The following NOVA1 variants were observed in gnomAD, a reference collection of about 807,000 sequenced individuals.
NOVA1 encodes the protein NOVA alternative splicing regulator 1, also known as RNA-binding protein Nova-1.
NOVA1 carries 7 observed loss-of-function variants against 38.0 expected under a neutral mutation model. The observed-to-expected ratio is 0.18, with a 90% confidence interval of 0.10 to 0.35. The LOEUF (loss-of-function observed/expected upper bound fraction) is 0.35, where lower values mean the gene tolerates loss of function less well. NOVA1 is among the 10% of genes least tolerant of loss of function. The pLI, the probability that NOVA1 is intolerant of heterozygous loss-of-function variation, is 1.00. For missense variants in NOVA1, 460 were observed against 616.0 expected (o/e 0.75, Z 2.68); for synonymous variants, 270 against 232.5 (o/e 1.16, Z -1.47).
intron 2 of NOVA1, among the ~76,000 whole-genome samples, chr14:26,483,297 T>G (rs1594375144): frequency 1.3e-5 from 2 of 152,324 alleles, no homozygotes; most frequent in East Asian, 3.9e-4. Context: ...CTGGGCCCTG[T>G]GCCCCCTTAC....
intron 2 of NOVA1, among the ~76,000 whole-genome samples, chr14:26,513,194 G>A (rs1888219819): frequency 6.6e-6 from 1 of 151,888 alleles, no homozygotes; most frequent in South Asian, 2.1e-4. Flanking sequence ...TCAGCATTTA[G>A]CAGAAAGGGC....
rs115868299 is a variant in NOVA1 at position 26,553,605 on chromosome 14, T to C, written c.280+41805A>G. On this transcript the variant is annotated intron_variant, in intron 2 of 4. Coordinates refer to ENST00000539517, the MANE Select transcript of NOVA1 (RefSeq NM_002515.3). Reference sequence around the variant, plus strand: ...AGTTGGAAGACAAGGTACAGATAATTGGACTCCCTCTCTGCAAAAGCAAAG... The same window carrying C: ...AGTTGGAAGACAAGGTACAGATAATCGGACTCCCTCTCTGCAAAAGCAAAG... Among the ~76,000 whole-genome samples the C allele has an allele frequency of 2.9e-3, 446 of 152,206 alleles. 5 individuals carry two copies. Among genetic ancestry groups the C allele is most frequent in the African/African-American group, 1.0e-2 (414 of 41,524 alleles).
intron 2 of NOVA1, among the ~76,000 whole-genome samples, chr14:26,554,124 G>A (rs115796084): frequency 0.023 from 3,238 of 143,824 alleles, 97 homozygotes; most frequent in African/African-American, 0.069. Context: ...ATTCCAGCAC[G>A]GGTGAAAAAA....
At chr14:26,459,058 A>G (rs1883433404) in intron 4 of NOVA1, among the ~76,000 whole-genome samples, 1 of 152,048 alleles carries the variant, frequency 6.6e-6, no homozygotes, top group African/African-American at 2.4e-5. Context: ...AGCAGTGTAC[A>G]GTAATGTCCC....
At chr14:26,566,274 C>T (rs1892131164) in intron 2 of NOVA1, among the ~76,000 whole-genome samples, 1 of 152,102 alleles carries the variant, frequency 6.6e-6, no homozygotes, top group Non-Finnish European at 1.5e-5. Flanking sequence ...TTATCACTAA[C>T]TTCAAATTCG....
intron 4 of NOVA1, among the ~76,000 whole-genome samples, chr14:26,458,066 A>G (rs1235298746): frequency 6.6e-6 from 1 of 152,182 alleles, no homozygotes; most frequent in African/African-American, 2.4e-5. Context: ...TGGCCAACAT[A>G]CATATGAAAA....
chr14:26,558,838 C>T (rs1185239546), intron 2 of NOVA1, among the ~76,000 whole-genome samples: 1 of 152,002 alleles, frequency 6.6e-6, no homozygotes, highest in Non-Finnish European at 1.5e-5. Context: ...TCAAACCATA[C>T]TTATATCATT....
At chr14:26,559,325 C>G in intron 2 of NOVA1, among the ~76,000 whole-genome samples, 1 of 151,968 alleles carries the variant, frequency 6.6e-6, no homozygotes, top group East Asian at 1.9e-4. Flanking sequence ...TTATTCTTAC[C>G]GTCATCATTT....
At chr14:26,482,270 A>G (rs1257005763) in intron 2 of NOVA1, among the ~76,000 whole-genome samples, 1 of 152,184 alleles carries the variant, frequency 6.6e-6, no homozygotes, top group Non-Finnish European at 1.5e-5. Context: ...ATTAAATTAC[A>G]TAATTTGCAT....
chr14:26,479,872 T>C (rs1175907646), intron 3 of NOVA1, 105 bp downstream of exon 3: 1 of 1,211,910 alleles, frequency 8.3e-7, no homozygotes, highest in African/African-American at 1.5e-5. Context: ...ATGTTTTATG[T>C]GTGCTTAAAA....
chr14:26,557,295 A>C (rs534746333), intron 2 of NOVA1, among the ~76,000 whole-genome samples: 16 of 152,308 alleles, frequency 1.1e-4, no homozygotes, highest in African/African-American at 2.9e-4. Flanking sequence ...GCTAAAATCC[A>C]AAACGCTGAC....
chr14:26,450,197 AT>A (rs1882541489), intron 4 of NOVA1, among the ~76,000 whole-genome samples: 1 of 152,096 alleles, frequency 6.6e-6, no homozygotes, highest in Non-Finnish European at 1.5e-5. Context: ...TCTATGAGGG[AT>A]TTCATTAGCT....
chr14:26,493,072 G>T (rs544537751), intron 2 of NOVA1, among the ~76,000 whole-genome samples: 1 of 152,240 alleles, frequency 6.6e-6, no homozygotes, highest in African/African-American at 2.4e-5. Flanking sequence ...CAACTCATTT[G>T]CTAAAAATTA....
In NOVA1 at chr14:26,480,155, A is replaced by G. The variant is rs1885340848; in HGVS notation, c.281-12T>C. 6.3e-7 allele frequency: 1 copy of G among 1,588,096 alleles called. No homozygotes were observed. The highest frequency in any genetic ancestry group is 8.6e-7 in the Non-Finnish European group (1 of 1,166,464). On this transcript the variant is annotated splice_polypyrimidine_tract_variant and intron_variant, in intron 2 of 4. Coordinates refer to ENST00000539517, the MANE Select transcript of NOVA1 (RefSeq NM_002515.3). ...TCGCTCAGTAGTACCTGTGGATAAA[A>G]CATTGATTTTCAGAAAATATTCCAC...
At chr14:26,533,552 G>A (rs758316670) in intron 2 of NOVA1, among the ~76,000 whole-genome samples, 1 of 152,084 alleles carries the variant, frequency 6.6e-6, no homozygotes, top group Non-Finnish European at 1.5e-5. Flanking sequence ...CTAAACTCAA[G>A]CTGTAATGAT....
rs938183399 is a variant in NOVA1 at position 26,443,448 on chromosome 14, GTTT to G, written c.*4508_*4510del. ...GGTAATGCTTCAATTTTCAAGAACA[GTTT>G]TTTTTGTTTATATAGACCAGTGGAA... On this transcript the variant is annotated 3_prime_UTR_variant, in exon 5 of 5. Coordinates refer to ENST00000539517, the MANE Select transcript of NOVA1 (RefSeq NM_002515.3). 1 of 151,470 alleles carries G rather than the reference GTTT, an allele frequency of 6.6e-6. No individual in the cohort carries two copies. The highest frequency in any genetic ancestry group is 1.5e-5 in the Non-Finnish European group (1 of 67,718). 9.4% of individuals were successfully genotyped at this position (151,470 alleles called of 1,614,324 possible).
chr14:26,448,297 T>G lies in NOVA1; in HGVS notation c.1186A>C (p.Asn396His). Residue 396 changes from asparagine (N) to histidine (H), a missense_variant, in exon 5 of 5, where the codon AAT becomes CAT. Physicochemically the swap from Asn to His is moderately conservative, Grantham distance 68. Coordinates refer to ENST00000539517, the MANE Select transcript of NOVA1 (RefSeq NM_002515.3). The surrounding 1 kb of genome is among the most constrained non-coding windows in gnomAD (Gnocchi z 5.3). ...GSLAAATAAT[N>H]GYFGAASPLA... ...GGAGAAGCAGCTCCAAAATATCCAT[T>G]GGTTGCAGCAGTAGCAGCAGCCAGG... 6.2e-7 allele frequency: 1 copy of G among 1,614,072 alleles called. No individual in the cohort carries two copies. The highest frequency in any genetic ancestry group is 8.5e-7 in the Non-Finnish European group (1 of 1,179,988).
chr14:26,530,028 T>A (rs1203896157), intron 2 of NOVA1, among the ~76,000 whole-genome samples: 1 of 152,154 alleles, frequency 6.6e-6, no homozygotes, highest in Non-Finnish European at 1.5e-5. Flanking sequence ...CACGCCATTC[T>A]CCTGCCTCAG....
At chr14:26,531,466 G>C (rs1235039173) in intron 2 of NOVA1, among the ~76,000 whole-genome samples, 3 of 152,120 alleles carry the variant, frequency 2.0e-5, no homozygotes, top group African/African-American at 7.2e-5. Context: ...AATTAGCTGG[G>C]TGTGGTGGCA....
Sources: allele counts gnomAD v4.1 joint callset (sites outside exome capture counted in the v4.1 genomes callset), GRCh38; gene constraint gnomAD v4.1.1; non-coding constraint Gnocchi (gnomAD v3.1); transcripts MANE v1.5; gene names NCBI Gene and HGNC (gene_info 2026-07-23, HGNC 2026-07-21).